Variants in FANCD2 observed in about 807,000 individuals in gnomAD.
FANCD2 encodes the protein Fanconi anemia group D2 protein.
A neutral mutation model predicts 192.3 loss-of-function variants in FANCD2; 131 were observed. The ratio of observed to expected loss-of-function variants is 0.68; its 90% CI spans 0.59 to 0.79. The LOEUF (loss-of-function observed/expected upper bound fraction) is 0.79, where lower values mean the gene tolerates loss of function less well. Ranked by LOEUF, FANCD2 falls within the 30% of genes least tolerant of loss-of-function variation. The probability of loss-of-function intolerance (pLI) is 0.00; values close to 1 mark genes in which losing one functional copy is unlikely to be tolerated. For synonymous variants in FANCD2, 524 were observed against 612.5 expected (o/e 0.86, Z 2.13); for missense variants, 1,508 against 1,701.6 (o/e 0.89, Z 2.00).
intron 24 of FANCD2, 35 bp from the exon 25 acceptor site, chr3:10,065,829 A>G (rs1575795051): frequency 7.3e-7 from 1 of 1,370,516 alleles, no homozygotes; most frequent in Non-Finnish European, 1.0e-6. Flanking sequence ...ATTGGCTTGC[A>G]CTAAAGGTAG....
chr3:10,096,981 G>T (rs1327657837), intron 42 of FANCD2, among the ~76,000 whole-genome samples: 1 of 152,156 alleles, frequency 6.6e-6, no homozygotes, highest in Non-Finnish European at 1.5e-5. Flanking sequence ...ACAAAAGAGA[G>T]AAATTTTAAA....
In FANCD2 at chr3:10,088,910, C is replaced by T. The variant is rs941244378; in HGVS notation, c.3643C>T (p.Pro1215Ser). The change falls in exon 36 of 44, where the codon CCT (proline) becomes TCT (serine). Residue 1215 changes from proline to serine, a missense_variant. Pro to Ser is a moderately conservative substitution (Grantham distance 74). Around this residue, in one of 5 missense-constraint regions of FANCD2, gnomAD observed 796 missense variants for 879.4 expected, o/e 0.91. Coordinates refer to ENST00000675286, the MANE Select transcript of FANCD2 (RefSeq NM_001018115.3). ...TGGTGTCCCAGAACTGATCAACTCT[C>T]CTAAAGATGCATCTTCCTCCACATT... Reference protein sequence around the residue: ...GVGVPELINSPKDASSSTFPT... With the variant: ...GVGVPELINSSKDASSSTFPT... The T allele has an allele frequency of 6.2e-6, 10 of 1,613,946 alleles. No homozygotes were observed. Among genetic ancestry groups the T allele is most frequent in the Non-Finnish European group, 8.5e-6 (10 of 1,179,908 alleles).
In FANCD2 at chr3:10,046,872, A is replaced by G. The variant is rs73811815; in HGVS notation, c.1278+149A>G. On this transcript the variant is annotated intron_variant, in intron 15 of 43. Transcript: ENST00000675286. ...TTAATCATTTTAATTGTCTATCTCA[A>G]TGCAGTTTGCAACTTTGACAAACTG... 5,858 of 734,588 alleles carry G rather than the reference A, an allele frequency of 8.0e-3. 14 individuals are homozygous for G. The African/African-American group carries it at 0.093, about 12-fold the overall frequency. The allele number at this position is 734,588 out of a possible 1,614,324, so 45.5% of individuals were successfully genotyped here. A position where few individuals can be genotyped will look rare whatever the true frequency, so the allele number is the denominator to read the frequency against.
intron 26 of FANCD2, among the ~76,000 whole-genome samples, chr3:10,069,109 C>A (rs1267307306): frequency 6.6e-6 from 1 of 152,000 alleles, no homozygotes; most frequent in African/African-American, 2.4e-5. Flanking sequence ...TGAGGAATAC[C>A]CTACAAGCAC....
intron 26 of FANCD2, among the ~76,000 whole-genome samples, chr3:10,069,510 G>T (rs1415237750): frequency 2.6e-5 from 3 of 114,024 alleles, no homozygotes; most frequent in Non-Finnish European, 4.9e-5. Flanking sequence ...CTCTGATGCC[G>T]AGCCAAAGCT....
intron 29 of FANCD2, 127 bp downstream of exon 29, chr3:10,074,800 T>A (rs1693447230): frequency 1.3e-6 from 1 of 798,012 alleles, no homozygotes; most frequent in African/African-American, 1.7e-5. Context: ...AGCCTTTATA[T>A]GTGAAAGCAA....
At chr3:10,099,271 A>G in intron 43 of FANCD2, 1 of 1,277,678 alleles carries the variant, frequency 7.8e-7, no homozygotes, top group Non-Finnish European at 1.0e-6. Context: ...ATAAAAATAG[A>G]AGTTCTTACG....
intron 24 of FANCD2, 106 bp from the exon 25 acceptor site, chr3:10,065,758 T>C (rs1374798076): frequency 1.3e-6 from 1 of 770,226 alleles, no homozygotes. Context: ...CCTTCAAATA[T>C]GAGTTAAAGG....
Position 10,073,327 on chromosome 3 carries a change from G to C in FANCD2, c.2680G>C (p.Asp894His). The C allele has an allele frequency of 6.2e-7, 1 of 1,613,768 alleles. No individual in the cohort carries two copies. Among genetic ancestry groups the C allele is most frequent in the Admixed American group, 1.7e-5 (1 of 60,010 alleles). The change falls in exon 28 of 44, where the codon GAC becomes CAC. Residue 894 changes from aspartate (D) to histidine (H), a missense_variant. Asp to His is a moderately conservative substitution (Grantham distance 81). Around this residue, in one of 5 missense-constraint regions of FANCD2, gnomAD observed 796 missense variants for 879.4 expected, o/e 0.91. Coordinates refer to ENST00000675286, the MANE Select transcript of FANCD2 (RefSeq NM_001018115.3). ...TTCAGAAGAGAAAAATTCAGAATGT[G>C]ACCCTACGCCATCTCATAGAGGCCA... ...TLSEEKNSEC[D>H]PTPSHRGQLN...
chr3:10,079,113 G>A (rs575197743), intron 30 of FANCD2, among the ~76,000 whole-genome samples: 4 of 151,998 alleles, frequency 2.6e-5, no homozygotes, highest in South Asian at 4.2e-4. Flanking sequence ...GTATGGTGGC[G>A]CATGCTTGTA....
intron 2 of FANCD2, among the ~76,000 whole-genome samples, chr3:10,030,873 C>T (rs566958847): frequency 3.3e-5 from 5 of 151,378 alleles, no homozygotes; most frequent in African/African-American, 7.3e-5. Context: ...GCCCTTCAGC[C>T]GGGGCAACAG....
chr3:10,085,844 T>C lies in FANCD2; in HGVS notation c.3257T>C (p.Leu1086Ser). 1 of 1,613,774 alleles carries C rather than the reference T, an allele frequency of 6.2e-7. No homozygotes were observed. Among genetic ancestry groups the C allele is most frequent in the Non-Finnish European group, 8.5e-7 (1 of 1,179,724 alleles). The change falls in exon 33 of 44, where the codon TTA becomes TCA. Residue 1086 changes from leucine (L) to serine (S), a missense_variant. Leu to Ser is a moderately radical substitution (Grantham distance 145). Coordinates refer to ENST00000675286, the MANE Select transcript of FANCD2 (RefSeq NM_001018115.3). ...SGFSQPENQN[L>S]LYSALHVLSS... is the part of the protein sequence containing the mutation. ...TTTTCTCAACCTGAAAATCAGAATT[T>C]ACTGTATTCAGCCCTCCATGTCCTT...
rs774421197 is a variant in FANCD2, at chr3:10,042,598, T to C, written c.823T>C (p.Leu275=). Reference sequence around the variant, plus strand: ...GATGGATAAGTTGTCGTCTATTAGATTGGAGGATTTACCTGTGATAATAAA... The same window carrying C: ...GATGGATAAGTTGTCGTCTATTAGACTGGAGGATTTACCTGTGATAATAAA... The part of the protein sequence containing the change: ...LVMDKLSSIR[L]EDLPVIIKFI... Residue 275 remains leucine, a synonymous_variant, in exon 11 of 44, where the codon TTG becomes CTG. Coordinates refer to ENST00000675286, the MANE Select transcript of FANCD2 (RefSeq NM_001018115.3). 1 of 1,614,086 alleles carries C rather than the reference T, an allele frequency of 6.2e-7. No homozygotes were observed. Among genetic ancestry groups the C allele is most frequent in the South Asian group, 1.1e-5 (1 of 91,078 alleles).
chr3:10,054,454 T>C (rs1250801627), intron 18 of FANCD2, among the ~76,000 whole-genome samples: 2,228 of 25,648 alleles, frequency 0.087, 57 homozygotes, highest in Non-Finnish European at 0.11. Flanking sequence ...TACATATATA[T>C]ATATATATAT....
chr3:10,074,694 T>A, intron 29 of FANCD2, 21 bp downstream of exon 29: 1 of 1,611,958 alleles, frequency 6.2e-7, no homozygotes, highest in Non-Finnish European at 8.5e-7. Context: ...GGCTAGGATC[T>A]CAGAATTTAA....
intron 7 of FANCD2, chr3:10,037,689 A>G (rs1454833655): frequency 3.3e-5 from 5 of 152,374 alleles, no homozygotes; most frequent in East Asian, 1.9e-4. Context: ...AGAAATGTAA[A>G]TAATTGAGAT....
intron 30 of FANCD2, among the ~76,000 whole-genome samples, chr3:10,079,183 G>A (rs1356354863): frequency 6.6e-6 from 1 of 151,852 alleles, no homozygotes; most frequent in East Asian, 1.9e-4. Flanking sequence ...GGCAGACGCT[G>A]CAGTGAACCA....
intron 27 of FANCD2, 112 bp downstream of exon 27, chr3:10,073,093 T>C: frequency 3.5e-6 from 3 of 846,506 alleles, no homozygotes; most frequent in Non-Finnish European, 5.9e-6. Context: ...ATAACTGAAC[T>C]CTTCCTTTAT....
intron 26 of FANCD2, among the ~76,000 whole-genome samples, chr3:10,071,847 C>T (rs1360663164): frequency 8.5e-5 from 13 of 152,160 alleles, no homozygotes; most frequent in Middle Eastern, 3.2e-3. Flanking sequence ...GCGACCTCTG[C>T]CTCCTGGGTT....
Sources: allele counts gnomAD v4.1 joint callset (sites outside exome capture counted in the v4.1 genomes callset), GRCh38; gene constraint gnomAD v4.1.1; regional missense constraint gnomAD v4.1.1; transcripts MANE v1.5; gene names NCBI Gene and HGNC (gene_info 2026-07-23, HGNC 2026-07-21).